Variants in KSR1 observed in about 807,000 individuals in gnomAD.
KSR1 encodes the protein kinase suppressor of ras 1, also known as kinase suppressor of ras.
In KSR1, 35 loss-of-function variants were observed where a neutral mutation model predicts 92.9. That is an observed-to-expected ratio of 0.38 (90% CI 0.29 to 0.50). The LOEUF (loss-of-function observed/expected upper bound fraction) is 0.50, where lower values mean the gene tolerates loss of function less well. Among genes scored for constraint, KSR1 ranks in the 20% least tolerant of loss-of-function variants. The pLI, the probability that KSR1 is intolerant of heterozygous loss-of-function variation, is 0.94. For synonymous variants in KSR1, 467 were observed against 472.6 expected, an observed-to-expected ratio of 0.99 and a Z score of 0.15; for missense variants, 972 against 1,158.5, an observed-to-expected ratio of 0.84 and a Z score of 2.34.
intron 1 of KSR1, among the ~76,000 whole-genome samples, chr17:27,505,388 A>G (rs7208616): frequency 0.47 from 72,215 of 152,104 alleles, 18,779 homozygotes; most frequent in East Asian, 0.69. Flanking sequence ...TCATTAACCC[A>G]GGAGGGATTA....
chr17:27,610,470 G>C (rs1215221839), intron 17 of KSR1, among the ~76,000 whole-genome samples: 1 of 152,226 alleles, frequency 6.6e-6, no homozygotes, highest in Non-Finnish European at 1.5e-5. Context: ...ATTGTGTGCA[G>C]TGCTTAACAC....
At position 27,577,820 on chromosome 17, in the gene KSR1, GATCCTGGTGGGTCTGGCCAGGCCGA is replaced by G. The variant is rs1382432578; in HGVS notation, c.520+185_520+209del. Reference sequence around the variant, plus strand: ...CTCTCCCAGGGTCCTCAGGGCTCTGGATCCTGGTGGGTCTGGCCAGGCCGAATCTGAGGGGTTTCAGCCATGGTTA... The same window carrying G: ...CTCTCCCAGGGTCCTCAGGGCTCTGGATCTGAGGGGTTTCAGCCATGGTTA... On this transcript the variant is annotated intron_variant, in intron 3 of 20. Coordinates refer to ENST00000644974, the MANE Select transcript of KSR1 (RefSeq NM_001394583.1). This position sits in a 1 kb window ranked among gnomAD's most constrained non-coding sequence, Gnocchi z 4.5. The G allele has an allele frequency of 2.8e-6, 2 of 705,508 alleles. No individual in the cohort carries two copies. The highest frequency in any genetic ancestry group is 5.1e-6 in the Non-Finnish European group (2 of 389,048). 43.7% of individuals were successfully genotyped at this position (705,508 alleles called of 1,614,324 possible).
intron 1 of KSR1, among the ~76,000 whole-genome samples, chr17:27,524,017 G>A (rs1160559549): frequency 6.6e-6 from 1 of 152,172 alleles, no homozygotes; most frequent in Non-Finnish European, 1.5e-5. Context: ...TGAAAGATGA[G>A]ATAGTGAGTT....
chr17:27,533,742 C>T (rs979521031), intron 1 of KSR1, among the ~76,000 whole-genome samples: 5 of 152,144 alleles, frequency 3.3e-5, no homozygotes, highest in African/African-American at 1.2e-4. Context: ...GATGCAGAAC[C>T]CACAGATCCT....
At chr17:27,508,695 T>G (rs1455104024) in intron 1 of KSR1, among the ~76,000 whole-genome samples, 2 of 145,634 alleles carry the variant, frequency 1.4e-5, no homozygotes, top group Non-Finnish European at 3.0e-5. Flanking sequence ...TTCCTAGGTT[T>G]GGGCCTGAAT....
Position 27,603,817 on chromosome 17 carries a change from G to T in KSR1, c.1511-17G>T, listed in dbSNP as rs1314863617. The T allele has an allele frequency of 1.2e-5, 20 of 1,613,868 alleles. No individual in the cohort carries two copies. The highest frequency in any genetic ancestry group is 1.6e-5 in the Non-Finnish European group (19 of 1,179,778). ...AAAGCAATCTCATGCTTTGTGTTTG[G>T]TTTTTGTTTCCTCCAGACATTTCAG... On this transcript the variant is annotated splice_polypyrimidine_tract_variant and intron_variant, in intron 11 of 20. Coordinates refer to ENST00000644974, the MANE Select transcript of KSR1 (RefSeq NM_001394583.1).
chr17:27,566,846 C>A (rs2072094815), intron 2 of KSR1, among the ~76,000 whole-genome samples: 1 of 152,228 alleles, frequency 6.6e-6, no homozygotes, highest in Non-Finnish European at 1.5e-5. Flanking sequence ...GTAGGACACA[C>A]ACTTGTTCTG....
At chr17:27,596,455 G>T (rs1475855300) in intron 9 of KSR1, among the ~76,000 whole-genome samples, 1 of 152,222 alleles carries the variant, frequency 6.6e-6, no homozygotes, top group Non-Finnish European at 1.5e-5. Context: ...TCCATTAGCA[G>T]GGGGAGCATG....
At position 27,577,878 on chromosome 17, in the gene KSR1, C is replaced by G; in HGVS notation, c.520+239C>G. The G allele has an allele frequency of 3.0e-6, 2 of 657,826 alleles. No homozygotes were observed. Among genetic ancestry groups the G allele is most frequent in the Non-Finnish European group, 5.5e-6 (2 of 362,058 alleles). The allele number at this position is 657,826 out of a possible 1,614,324, so 40.7% of individuals were successfully genotyped here. A position where few individuals can be genotyped will look rare whatever the true frequency, so the allele number is the denominator to read the frequency against. ...GGGTTTCAGCCATGGTTAGAAATCCCAGGCCTGTCTGCTGGGCTGGGCTGG... is the reference window on the plus strand; with the variant it reads ...GGGTTTCAGCCATGGTTAGAAATCCGAGGCCTGTCTGCTGGGCTGGGCTGG... On this transcript the variant is annotated intron_variant, in intron 3 of 20. Coordinates refer to ENST00000644974, the MANE Select transcript of KSR1 (RefSeq NM_001394583.1). The surrounding 1 kb of genome is among the most constrained non-coding windows in gnomAD (Gnocchi z 4.5).
At chr17:27,617,249 C>G (rs1297616441) in intron 18 of KSR1, 46 bp from the exon 19 acceptor site, 2 of 1,568,362 alleles carry the variant, frequency 1.3e-6, no homozygotes, top group Non-Finnish European at 1.7e-6. Context: ...TGTGCCCCCT[C>G]CCTCCCAGCC....
At chr17:27,519,780 C>T (rs1441345020) in intron 1 of KSR1, among the ~76,000 whole-genome samples, 2 of 152,194 alleles carry the variant, frequency 1.3e-5, no homozygotes, top group Non-Finnish European at 2.9e-5. Flanking sequence ...GGTGAGGGAC[C>T]TAGAGTCTAA....
At chr17:27,586,733 G>A (rs1195147270) in intron 5 of KSR1, among the ~76,000 whole-genome samples, 1 of 152,232 alleles carries the variant, frequency 6.6e-6, no homozygotes, top group Admixed American at 6.5e-5. Context: ...GGCGGTGCTT[G>A]GCACATACAC....
chr17:27,626,126 G>A lies in KSR1; in HGVS notation c.*2734G>A, dbSNP rs1259982427. 1 of 152,246 alleles carries A rather than the reference G, an allele frequency of 6.6e-6. No individual in the cohort carries two copies. Among genetic ancestry groups the A allele is most frequent in the Non-Finnish European group, 1.5e-5 (1 of 68,064 alleles). The allele number at this position is 152,246 out of a possible 1,614,324, so 9.4% of individuals were successfully genotyped here. ...GTGGGGGGAGGGTGGAGACGTAAAT[G>A]TGAAGCCAGTTGGAGTTTGTGCTAT... On this transcript the variant is annotated 3_prime_UTR_variant, in exon 21 of 21. Coordinates refer to ENST00000644974, the MANE Select transcript of KSR1 (RefSeq NM_001394583.1).
intron 1 of KSR1, among the ~76,000 whole-genome samples, chr17:27,475,285 G>A (rs2068307010): frequency 6.6e-6 from 1 of 152,328 alleles, no homozygotes. Context: ...GTGAAGGAGG[G>A]AAGAGTAATG....
chr17:27,579,803 G>C (rs1323092298), intron 3 of KSR1: 1 of 140,056 alleles, frequency 7.1e-6, no homozygotes, highest in Non-Finnish European at 1.5e-5. Flanking sequence ...TTGAACCTGG[G>C]AGATAGGGGT....
intron 1 of KSR1, among the ~76,000 whole-genome samples, chr17:27,539,254 G>A (rs1465981341): frequency 1.3e-5 from 2 of 152,194 alleles, no homozygotes; most frequent in Non-Finnish European, 2.9e-5. Flanking sequence ...TGCCCTGTGG[G>A]CCTGGTGACC....
chr17:27,474,078 A>G (rs1450189338), intron 1 of KSR1, among the ~76,000 whole-genome samples: 1 of 152,118 alleles, frequency 6.6e-6, no homozygotes, highest in Non-Finnish European at 1.5e-5. Flanking sequence ...TCCCTCCTAG[A>G]CCCCTAAACC....
At chr17:27,565,824 C>T (rs2072038312) in intron 2 of KSR1, among the ~76,000 whole-genome samples, 3 of 152,094 alleles carry the variant, frequency 2.0e-5, no homozygotes, top group Admixed American at 2.0e-4. Context: ...AAAATAAAAC[C>T]CCCACATAAC....
At chr17:27,574,564 CAAAT>C (rs1191917530) in intron 2 of KSR1, among the ~76,000 whole-genome samples, 1 of 152,148 alleles carries the variant, frequency 6.6e-6, no homozygotes, top group East Asian at 1.9e-4. Flanking sequence ...AAAAAACAAA[CAAAT>C]ACAGAAAGGC....
Sources: allele counts gnomAD v4.1 joint callset (sites outside exome capture counted in the v4.1 genomes callset), GRCh38; gene constraint gnomAD v4.1.1; non-coding constraint Gnocchi (gnomAD v3.1); transcripts MANE v1.5; gene names NCBI Gene and HGNC (gene_info 2026-07-23, HGNC 2026-07-21).